The following IL1RN variants were observed in gnomAD, a reference collection of about 807,000 sequenced individuals.
The protein encoded by IL1RN is interleukin-1 receptor antagonist protein.
Under a neutral mutation model 13.7 loss-of-function variants are expected in IL1RN, and 10 were observed. The observed-to-expected ratio is 0.73, with a 90% confidence interval of 0.45 to 1.24. IL1RN has a LOEUF of 1.24. Among genes scored for constraint, IL1RN ranks in the 50% most tolerant of loss-of-function variants. IL1RN has a pLI of 0.00. For synonymous variants in IL1RN, 102 were observed against 82.7 expected (o/e 1.23, Z -1.27); for missense variants, 213 against 222.1 (o/e 0.96, Z 0.26).
At position 113,131,120 on chromosome 2, in the gene IL1RN, G is replaced by A. The variant is rs1189599519; in HGVS notation, c.281G>A (p.Cys94Tyr). 6.2e-7 allele frequency: 1 copy of A among 1,613,398 alleles called. No individual in the cohort carries two copies. Among genetic ancestry groups the A allele is most frequent in the South Asian group, 1.1e-5 (1 of 91,076 alleles). Residue 94 changes from cysteine to tyrosine, a missense_variant, in exon 3 of 4, where the codon TGT becomes TAT. Physicochemically the swap from Cys to Tyr is radical, Grantham distance 194. Coordinates refer to ENST00000409930, the MANE Select transcript of IL1RN (RefSeq NM_173842.3). ...CATGGAGGGAAGATGTGCCTGTCCT[G>A]TGTCAAGTCTGGTGATGAGACCAGA... Reference protein sequence around the residue: ...GIHGGKMCLSCVKSGDETRLQ... With the variant: ...GIHGGKMCLSYVKSGDETRLQ...
intron 1 of IL1RN, among the ~76,000 whole-genome samples, chr2:113,118,431 G>A (rs981207553): frequency 2.0e-5 from 3 of 152,102 alleles, no homozygotes; most frequent in Admixed American, 1.3e-4. Flanking sequence ...TGAGCCACAA[G>A]GTCTGAGGGT....
chr2:113,099,883 T>C, the IL1RN span, among the ~76,000 whole-genome samples: 3,782 of 144,060 alleles, frequency 0.026, 148 homozygotes, highest in African/African-American at 0.091. Context: ...TACAGGCACC[T>C]GCCACCACGC....
At chr2:113,107,757 A>T (rs1408810603), upstream of IL1RN, among the ~76,000 whole-genome samples, 1 of 152,126 alleles carries the variant, frequency 6.6e-6, no homozygotes, top group African/African-American at 2.4e-5. Context: ...AAACCAAACC[A>T]ATCTTTCAAG....
At chr2:113,111,366 G>A (rs891066563) in intron 1 of IL1RN, among the ~76,000 whole-genome samples, 3 of 152,192 alleles carry the variant, frequency 2.0e-5, no homozygotes, top group Non-Finnish European at 2.9e-5. Flanking sequence ...AAGGCACTAC[G>A]GTGGCCAAGT....
At chr2:113,110,883 C>A (rs112061328), upstream of IL1RN, among the ~76,000 whole-genome samples, 1 of 152,200 alleles carries the variant, frequency 6.6e-6, no homozygotes, top group Non-Finnish European at 1.5e-5. Context: ...CATACTAAAT[C>A]GATGTGTTGG....
upstream of IL1RN, among the ~76,000 whole-genome samples, chr2:113,126,535 T>C (rs1308367726): frequency 6.6e-6 from 1 of 152,230 alleles, no homozygotes; most frequent in Non-Finnish European, 1.5e-5. Context: ...AACTTTTTCC[T>C]ACCCATAAAA....
rs374268790 is a variant in IL1RN, at chr2:113,131,080, C to G, written c.241C>G (p.Leu81Val). ...TGTGGTACCCATTGAGCCTCATGCT[C>G]TGTTCTTGGGAATCCATGGAGGGAA... ...IDVVPIEPHA[L>V]FLGIHGGKMC... The change falls in exon 3 of 4, where the codon CTG becomes GTG. Residue 81 changes from leucine (L) to valine (V), a missense_variant. Coordinates refer to ENST00000409930, the MANE Select transcript of IL1RN (RefSeq NM_173842.3). 6.8e-6 allele frequency: 11 copies of G among 1,613,564 alleles called. No individual in the cohort carries two copies. In the African/African-American group the frequency reaches 9.3e-5, roughly 14 times the overall value.
the IL1RN span, among the ~76,000 whole-genome samples, chr2:113,099,388 G>A: frequency 6.6e-6 from 1 of 152,230 alleles, no homozygotes; most frequent in African/African-American, 2.4e-5. Context: ...AGCCCTAAAG[G>A]CCGGTTTCAC....
At chr2:113,131,190 A>G in intron 3 of IL1RN, 33 bp downstream of exon 3, 1 of 1,422,620 alleles carries the variant, frequency 7.0e-7, no homozygotes. Flanking sequence ...AAATCACCCC[A>G]AAACCCAGTG....
chr2:113,115,403 G>A (rs949490567), upstream of IL1RN: 1 of 152,050 alleles, frequency 6.6e-6, no homozygotes, highest in Non-Finnish European at 1.5e-5. Context: ...CAATTCAAGG[G>A]AGGGGTTCTA....
At chr2:113,109,893 C>T (rs1007706274), upstream of IL1RN, among the ~76,000 whole-genome samples, 9 of 152,288 alleles carry the variant, frequency 5.9e-5, no homozygotes, top group South Asian at 2.1e-4. Flanking sequence ...GTCTTCATCC[C>T]CATTTTACAG....
At chr2:113,119,002 A>G (rs183735847) in intron 1 of IL1RN, among the ~76,000 whole-genome samples, 1 of 152,156 alleles carries the variant, frequency 6.6e-6, no homozygotes, top group Non-Finnish European at 1.5e-5. Flanking sequence ...ACACCACTGC[A>G]CTCCAGTCTG....
At chr2:113,103,533 C>T (rs757237329), upstream of IL1RN, among the ~76,000 whole-genome samples, 12 of 152,124 alleles carry the variant, frequency 7.9e-5, no homozygotes, top group African/African-American at 1.9e-4. Context: ...AGCAATGATT[C>T]GGAAATGGAT....
upstream of IL1RN, among the ~76,000 whole-genome samples, chr2:113,108,909 T>G (rs927539984): frequency 2.6e-5 from 4 of 152,180 alleles, no homozygotes; most frequent in East Asian, 1.9e-4. Flanking sequence ...CATATTTTTT[T>G]GGGTAGGGGG....
chr2:113,131,853 G>A (rs315955), intron 3 of IL1RN, among the ~76,000 whole-genome samples: 11 of 152,144 alleles, frequency 7.2e-5, no homozygotes, highest in African/African-American at 1.7e-4. Flanking sequence ...CTGGATGCAA[G>A]CTTAACCTCA....
At chr2:113,125,573 C>T (rs905955812), upstream of IL1RN, among the ~76,000 whole-genome samples, 1 of 152,212 alleles carries the variant, frequency 6.6e-6, no homozygotes, top group Admixed American at 6.5e-5. Context: ...TTGGGAAATT[C>T]ATTCATAGTC....
At chr2:113,102,962 G>C (rs1458280893), upstream of IL1RN, among the ~76,000 whole-genome samples, 1 of 152,222 alleles carries the variant, frequency 6.6e-6, no homozygotes, top group African/African-American at 2.4e-5. Flanking sequence ...GCCTGACAAG[G>C]CACAGAAGGA....
At chr2:113,112,251 G>T (rs908590612) in intron 1 of IL1RN, among the ~76,000 whole-genome samples, 1 of 152,192 alleles carries the variant, frequency 6.6e-6, no homozygotes, top group East Asian at 1.9e-4. Context: ...CCCAGCCACC[G>T]TGTTACATGC....
At chr2:113,113,581 CAAT>C (rs55663133), upstream of IL1RN, among the ~76,000 whole-genome samples, 1 of 151,474 alleles carries the variant, frequency 6.6e-6, no homozygotes, top group Non-Finnish European at 1.5e-5. Context: ...ATGTTCTTAC[CAAT>C]AATAATAATA....
Sources: allele counts gnomAD v4.1 joint callset (sites outside exome capture counted in the v4.1 genomes callset), GRCh38; gene constraint gnomAD v4.1.1; transcripts MANE v1.5; gene names NCBI Gene and HGNC (gene_info 2026-07-23, HGNC 2026-07-21).